The following TUSC3 variants were observed in gnomAD, a reference collection of about 807,000 sequenced individuals.
TUSC3 encodes dolichyl-diphosphooligosaccharide--protein glycosyltransferase subunit TUSC3.
Under a neutral mutation model 44.8 loss-of-function variants are expected in TUSC3, and 45 were observed. The observed-to-expected ratio is 1.00, with a 90% CI of 0.79 to 1.29. TUSC3 has a LOEUF of 1.29. TUSC3 is among the 50% of genes most tolerant of loss of function. The probability of loss-of-function intolerance (pLI) is 0.00; values close to 1 mark genes in which losing one functional copy is unlikely to be tolerated. For missense variants in TUSC3, 519 were observed against 437.9 expected (o/e 1.19, Z -1.65); for synonymous variants, 212 against 152.9 (o/e 1.39, Z -2.85).
At chr8:15,631,872 A>C (rs927889188) in intron 2 of TUSC3, among the ~76,000 whole-genome samples, 2 of 151,688 alleles carry the variant, frequency 1.3e-5, no homozygotes, top group African/African-American at 4.8e-5. Flanking sequence ...TGCCTGGCTA[A>C]ATTTTTTTGT....
At chr8:15,641,189 G>C (rs925006581) in intron 2 of TUSC3, among the ~76,000 whole-genome samples, 2 of 151,544 alleles carry the variant, frequency 1.3e-5, no homozygotes, top group African/African-American at 4.9e-5. Context: ...TGAAACCCCT[G>C]TCTCTACCAG....
At chr8:15,551,505 G>C (rs1003930607) in intron 1 of TUSC3, among the ~76,000 whole-genome samples, 3 of 151,654 alleles carry the variant, frequency 2.0e-5, no homozygotes, top group Admixed American at 1.3e-4. Context: ...TGGCTGAGCT[G>C]TGTAAGTTCT....
intron 8 of TUSC3, among the ~76,000 whole-genome samples, chr8:15,744,156 AT>A (rs1811309451): frequency 6.6e-6 from 1 of 152,180 alleles, no homozygotes; most frequent in Admixed American, 6.5e-5. Flanking sequence ...TTCCATTGAT[AT>A]ACCAAGATTT....
chr8:15,440,587 G>A (rs1800008016), intron 1 of TUSC3, among the ~76,000 whole-genome samples: 1 of 152,198 alleles, frequency 6.6e-6, no homozygotes, highest in African/African-American at 2.4e-5. Flanking sequence ...TTGAGGCATA[G>A]CATCTTACAG....
chr8:15,631,480 T>C (rs1805761400), intron 2 of TUSC3, among the ~76,000 whole-genome samples: 1 of 152,186 alleles, frequency 6.6e-6, no homozygotes, highest in Non-Finnish European at 1.5e-5. Context: ...ACTAGTACAG[T>C]GGACACCTGT....
rs146556983 is a variant in TUSC3 at position 15,691,498 on chromosome 8, A to T, written c.798+17662A>T. Reference sequence around the variant, plus strand: ...CTCTCTTTTTATTTTGATGCCTTTTATTTCATTCTCTTGCTGGATTTCTCT... The same window carrying T: ...CTCTCTTTTTATTTTGATGCCTTTTTTTTCATTCTCTTGCTGGATTTCTCT... On this transcript the variant is annotated intron_variant, in intron 6 of 10. Coordinates refer to ENST00000503731, the MANE Select transcript of TUSC3 (RefSeq NM_006765.4). Among the ~76,000 whole-genome samples the T allele has an allele frequency of 5.9e-5, 9 of 152,148 alleles. No homozygotes were observed. The East Asian group carries it at 1.7e-3, about 29-fold the overall frequency.
chr8:15,625,144 A>G (rs1835141), intron 2 of TUSC3, among the ~76,000 whole-genome samples: 37,338 of 152,080 alleles, frequency 0.25, 4,955 homozygotes, highest in Non-Finnish European at 0.3. Context: ...AATCAGTTAC[A>G]TTGATTGATT....
In TUSC3 at chr8:15,644,728, T is replaced by C. The variant is rs78682338; in HGVS notation, c.309-5969T>C. Among the ~76,000 whole-genome samples the C allele has an allele frequency of 1.4e-3, 213 of 152,238 alleles. 1 individual carries two copies. Among genetic ancestry groups the C allele is most frequent in the African/African-American group, 4.9e-3 (204 of 41,532 alleles). On this transcript the variant is annotated intron_variant, in intron 2 of 10. Coordinates refer to ENST00000503731, the MANE Select transcript of TUSC3 (RefSeq NM_006765.4). Reference sequence around the variant, plus strand: ...ATGAATCTTTTGTACTCTGAAGAGATATCATTAATATTAAAATACGTATTC... The same window carrying C: ...ATGAATCTTTTGTACTCTGAAGAGACATCATTAATATTAAAATACGTATTC...
intron 2 of TUSC3, among the ~76,000 whole-genome samples, chr8:15,512,702 G>A (rs1456102426): frequency 6.6e-6 from 1 of 151,760 alleles, no homozygotes; most frequent in Non-Finnish European, 1.5e-5. Flanking sequence ...GAACCCGGGA[G>A]GGAGAGGTTG....
intron 10 of TUSC3, among the ~76,000 whole-genome samples, chr8:15,759,601 T>C (rs1812087373): frequency 6.6e-6 from 1 of 152,116 alleles, no homozygotes. Flanking sequence ...TAACCACCAG[T>C]GACCAAATCC....
intron 6 of TUSC3, among the ~76,000 whole-genome samples, chr8:15,708,060 G>C (rs1029551635): frequency 6.6e-6 from 1 of 151,816 alleles, no homozygotes; most frequent in African/African-American, 2.4e-5. Flanking sequence ...ACTCTCATTG[G>C]ATTTTGGGCC....
At chr8:15,616,709 G>T (rs894405023) in intron 1 of TUSC3, among the ~76,000 whole-genome samples, 1 of 152,212 alleles carries the variant, frequency 6.6e-6, no homozygotes, top group African/African-American at 2.4e-5. Flanking sequence ...CGCTACAACA[G>T]TCCTTGGGGG....
chr8:15,592,641 C>T lies in TUSC3; in HGVS notation c.139-30439C>T, dbSNP rs540899312. ...TCCTGAGGCCTCATCAGAAGCCAAG[C>T]GGATGCTGACACCATGCTTGTACAG... On this transcript the variant is annotated intron_variant, in intron 1 of 10. Transcript: ENST00000503731. Among the ~76,000 whole-genome samples the T allele has an allele frequency of 9.2e-5, 14 of 152,296 alleles. No individual in the cohort carries two copies. The East Asian group carries it at 2.3e-3, about 25-fold the overall frequency.
intron 9 of TUSC3, among the ~76,000 whole-genome samples, chr8:15,752,958 G>A (rs898840193): frequency 5.9e-5 from 9 of 151,830 alleles, no homozygotes; most frequent in African/African-American, 2.2e-4. Flanking sequence ...CTTGAACTTG[G>A]TACAAATATA....
intron 1 of TUSC3, among the ~76,000 whole-genome samples, chr8:15,445,253 A>T (rs74659099): frequency 2.0e-5 from 3 of 152,174 alleles, no homozygotes; most frequent in African/African-American, 7.2e-5. Context: ...GGAGAAAACT[A>T]TCATCTCTTC....
At chr8:15,585,828 C>A (rs1803577071) in intron 1 of TUSC3, among the ~76,000 whole-genome samples, 2 of 152,174 alleles carry the variant, frequency 1.3e-5, no homozygotes, top group African/African-American at 4.8e-5. Flanking sequence ...GGAGGACCCA[C>A]CCTAACTGCC....
At chr8:15,479,813 A>G (rs1052919613) in intron 1 of TUSC3, among the ~76,000 whole-genome samples, 2 of 152,176 alleles carry the variant, frequency 1.3e-5, no homozygotes, top group African/African-American at 4.8e-5. Context: ...CTATCATGCA[A>G]GAGAAAGAAA....
chr8:15,753,027 AT>A (rs1811770648), intron 9 of TUSC3, among the ~76,000 whole-genome samples: 1 of 152,248 alleles, frequency 6.6e-6, no homozygotes, highest in African/African-American at 2.4e-5. Flanking sequence ...AAATCTACTT[AT>A]TAAACAAATT....
chr8:15,468,779 C>G (rs1056323814), intron 1 of TUSC3, among the ~76,000 whole-genome samples: 9 of 152,030 alleles, frequency 5.9e-5, no homozygotes, highest in Non-Finnish European at 1.3e-4. Flanking sequence ...TCAGGAGATT[C>G]AAGGGATTCC....
Sources: gnomAD v4.1 joint callset for allele counts (sites outside exome capture counted in the v4.1 genomes callset) on GRCh38, gnomAD v4.1.1 for gene constraint, MANE v1.5 for transcripts, NCBI Gene and HGNC (gene_info 2026-07-23, HGNC 2026-07-21) for gene names.